UCHL3: variants seen among roughly 807,000 people sequenced by gnomAD.
The protein encoded by UCHL3 is ubiquitin C-terminal hydrolase L3.
A neutral mutation model predicts 35.8 loss-of-function variants in UCHL3; 22 were observed. The ratio of observed to expected loss-of-function variants is 0.61; its 90% CI spans 0.44 to 0.88. The LOEUF (loss-of-function observed/expected upper bound fraction) is 0.88, where lower values mean the gene tolerates loss of function less well. Among genes scored for constraint, UCHL3 ranks in the 40% least tolerant of loss-of-function variants. UCHL3 has a pLI of 0.00. For missense variants in UCHL3, 229 were observed against 276.9 expected, an observed-to-expected ratio of 0.83 and a Z score of 1.23; for synonymous variants, 90 against 92.8, an observed-to-expected ratio of 0.97 and a Z score of 0.17.
intron 3 of UCHL3, among the ~76,000 whole-genome samples, chr13:75,561,715 CTG>C (rs2031500872): frequency 6.6e-6 from 1 of 151,472 alleles, no homozygotes; most frequent in Non-Finnish European, 1.5e-5. Context: ...TCTTTGAGCT[CTG>C]TATTTAAATT....
intron 7 of UCHL3, among the ~76,000 whole-genome samples, chr13:75,599,134 AT>A (rs35853503): frequency 0.49 from 62,845 of 127,738 alleles, 14,107 homozygotes; most frequent in African/African-American, 0.64. Context: ...ATGCCTGGCT[AT>A]TTTTTTTTTT....
chr13:75,558,437 C>T (rs2031365748), intron 2 of UCHL3, among the ~76,000 whole-genome samples: 1 of 152,182 alleles, frequency 6.6e-6, no homozygotes, highest in East Asian at 1.9e-4. Flanking sequence ...TTTTAGTTTG[C>T]AGCACAGATG....
rs574920382 is a variant in UCHL3 at position 75,550,112 on chromosome 13, G to T, written c.54+125G>T. 6.1e-5 allele frequency: 90 copies of T among 1,484,432 alleles called. 3 individuals carry two copies. The South Asian group carries it at 9.8e-4, about 16-fold the overall frequency. 92.0% of individuals were successfully genotyped at this position (1,484,432 alleles called of 1,614,324 possible). A position where few individuals can be genotyped will look rare whatever the true frequency, so the allele number is the denominator to read the frequency against. Reference sequence around the variant, plus strand: ...ATTTAATTTCTTGAGGGCCCCTCTTGTTCGGCTTTACGCGGGTCCGCCCCT... The same window carrying T: ...ATTTAATTTCTTGAGGGCCCCTCTTTTTCGGCTTTACGCGGGTCCGCCCCT... On this transcript the variant is annotated intron_variant, in intron 2 of 8. Coordinates refer to ENST00000377595, the MANE Select transcript of UCHL3 (RefSeq NM_006002.5).
chr13:75,591,848 T>C (rs1011607637), intron 6 of UCHL3, among the ~76,000 whole-genome samples: 2 of 152,052 alleles, frequency 1.3e-5, no homozygotes, highest in Non-Finnish European at 2.9e-5. Context: ...TGAGAAGTGT[T>C]TTGGATTTTG....
At chr13:75,573,829 C>T (rs2031938731) in intron 6 of UCHL3, among the ~76,000 whole-genome samples, 1 of 152,162 alleles carries the variant, frequency 6.6e-6, no homozygotes, top group Admixed American at 6.5e-5. Flanking sequence ...TCCATAACAC[C>T]GTCTTTGTGC....
chr13:75,585,433 A>T (rs931179024), intron 6 of UCHL3, among the ~76,000 whole-genome samples: 12 of 152,140 alleles, frequency 7.9e-5, no homozygotes, highest in Admixed American at 7.2e-4. Context: ...GTGGAACAAA[A>T]TATCTTTTAA....
At chr13:75,576,902 T>C (rs2032039843) in intron 6 of UCHL3, among the ~76,000 whole-genome samples, 1 of 152,206 alleles carries the variant, frequency 6.6e-6, no homozygotes, top group Admixed American at 6.5e-5. Flanking sequence ...ATGTATACAG[T>C]TGGCCCGCTG....
intron 7 of UCHL3, among the ~76,000 whole-genome samples, chr13:75,598,948 G>T (rs997745899): frequency 6.6e-6 from 1 of 152,004 alleles, no homozygotes; most frequent in Non-Finnish European, 1.5e-5. Context: ...TGGACTCATG[G>T]ATTCCTACTT....
At chr13:75,581,802 G>C (rs1394909364) in intron 6 of UCHL3, among the ~76,000 whole-genome samples, 2 of 149,892 alleles carry the variant, frequency 1.3e-5, no homozygotes, top group African/African-American at 4.9e-5. Flanking sequence ...TTCATTTTTT[G>C]CTGTATAAAA....
intron 6 of UCHL3, chr13:75,589,983 A>ATTGG: frequency 7.7e-7 from 1 of 1,304,872 alleles, no homozygotes; most frequent in Non-Finnish European, 1.0e-6. Context: ...CCACTGCAGA[A>ATTGG]CGAAGGCCTC....
intron 6 of UCHL3, among the ~76,000 whole-genome samples, chr13:75,576,282 T>G (rs1259972531): frequency 6.6e-6 from 1 of 152,142 alleles, no homozygotes; most frequent in Non-Finnish European, 1.5e-5. Context: ...CAGGCTGGAG[T>G]GTAGTGGCGC....
chr13:75,584,276 A>C (rs571713605), intron 6 of UCHL3, among the ~76,000 whole-genome samples: 76 of 152,240 alleles, frequency 5.0e-4, no homozygotes, highest in African/African-American at 1.7e-3. Flanking sequence ...ACAGGTCTCA[A>C]ATGTGTGGGG....
At chr13:75,596,011 G>A (rs983236817) in intron 7 of UCHL3, among the ~76,000 whole-genome samples, 5 of 151,970 alleles carry the variant, frequency 3.3e-5, no homozygotes, top group African/African-American at 7.2e-5. Flanking sequence ...TCTAGATACC[G>A]TGAGTTTTGG....
At chr13:75,561,006 C>T in intron 3 of UCHL3, 125 bp downstream of exon 3, 1 of 867,666 alleles carries the variant, frequency 1.2e-6, no homozygotes, top group Non-Finnish European at 1.6e-6. Context: ...TCATGGCTTA[C>T]TGCAGTCTCA....
chr13:75,549,523 A>C (rs1038525711), upstream of UCHL3: 2 of 390,022 alleles, frequency 5.1e-6, no homozygotes, highest in Admixed American at 8.8e-5. Flanking sequence ...CTCGGCTCGG[A>C]AGAGTCCAAG....
chr13:75,569,261 T>G, intron 5 of UCHL3, 199 bp from the exon 6 acceptor site: 1 of 399,190 alleles, frequency 2.5e-6, no homozygotes, highest in Non-Finnish European at 4.4e-6. Flanking sequence ...TTTCAGAGAT[T>G]TACGGGTTAC....
chr13:75,576,853 C>A (rs1448051014), intron 6 of UCHL3, among the ~76,000 whole-genome samples: 1 of 152,094 alleles, frequency 6.6e-6, no homozygotes, highest in African/African-American at 2.4e-5. Context: ...ATTAATATAA[C>A]CTGATATATA....
chr13:75,577,815 C>T (rs1260795636), intron 6 of UCHL3, among the ~76,000 whole-genome samples: 2 of 151,990 alleles, frequency 1.3e-5, no homozygotes, highest in Non-Finnish European at 2.9e-5. Context: ...GCCTTCAGAC[C>T]CTACTTTTAC....
intron 6 of UCHL3, among the ~76,000 whole-genome samples, chr13:75,586,438 C>T (rs1478878537): frequency 7.5e-6 from 1 of 134,092 alleles, no homozygotes; most frequent in Non-Finnish European, 1.7e-5. Flanking sequence ...TTGGAGATGT[C>T]AACACTCAGA....
Sources: allele counts gnomAD v4.1 joint callset (sites outside exome capture counted in the v4.1 genomes callset), GRCh38; gene constraint gnomAD v4.1.1; transcripts MANE v1.5; gene names NCBI Gene and HGNC (gene_info 2026-07-23, HGNC 2026-07-21).